Variants in CADM2 observed in about 807,000 individuals in gnomAD.
The protein encoded by CADM2 is immunoglobulin superfamily member 4D.
In CADM2, 12 loss-of-function variants were observed where a neutral mutation model predicts 49.8. The ratio of observed to expected loss-of-function variants is 0.24; its 90% CI spans 0.15 to 0.39. The LOEUF is 0.39. CADM2 is among the 10% of genes least tolerant of loss of function. The pLI is 1.00. For synonymous variants in CADM2, 214 were observed against 175.4 expected (o/e 1.22, Z -1.74); for missense variants, 378 against 492.3 (o/e 0.77, Z 2.20).
intron 1 of CADM2, among the ~76,000 whole-genome samples, chr3:85,334,210 G>T (rs1039559879): frequency 2.6e-5 from 4 of 151,486 alleles, no homozygotes; most frequent in African/African-American, 9.7e-5. Context: ...GCAAATGCTG[G>T]ATGATTTTCT....
intron 3 of CADM2, among the ~76,000 whole-genome samples, chr3:85,852,688 A>G (rs1344233604): frequency 6.6e-6 from 1 of 152,136 alleles, no homozygotes; most frequent in Non-Finnish European, 1.5e-5. Context: ...GAAAAGAGAC[A>G]TGCAAAACAT....
chr3:85,696,040 A>G (rs970822084), intron 1 of CADM2, among the ~76,000 whole-genome samples: 2 of 151,970 alleles, frequency 1.3e-5, no homozygotes, highest in Non-Finnish European at 2.9e-5. Flanking sequence ...AGCATTTTTC[A>G]TATGTTTATT....
chr3:85,049,302 T>G (rs1441803691), intron 1 of CADM2, among the ~76,000 whole-genome samples: 1 of 151,768 alleles, frequency 6.6e-6, no homozygotes, highest in African/African-American at 2.4e-5. Flanking sequence ...TGGAGATAAT[T>G]AAACCTACAT....
intron 1 of CADM2, among the ~76,000 whole-genome samples, chr3:85,079,904 C>T (rs1438454363): frequency 2.0e-5 from 3 of 151,676 alleles, no homozygotes; most frequent in Non-Finnish European, 4.4e-5. Flanking sequence ...GGACTGTGAA[C>T]TTGAGAAGGA....
chr3:85,260,489 T>A (rs2042992105), intron 1 of CADM2, among the ~76,000 whole-genome samples: 1 of 152,138 alleles, frequency 6.6e-6, no homozygotes, highest in African/African-American at 2.4e-5. Flanking sequence ...ATGTCTGGCA[T>A]GATGATGGCT....
At chr3:86,025,158 T>C (rs1019037515) in intron 8 of CADM2, among the ~76,000 whole-genome samples, 27 of 151,876 alleles carry the variant, frequency 1.8e-4, no homozygotes, top group Middle Eastern at 6.8e-3. Flanking sequence ...TGAGTTCAAG[T>C]GATTCTCCTG....
At chr3:85,227,863 T>G (rs2042196405) in intron 1 of CADM2, among the ~76,000 whole-genome samples, 1 of 152,204 alleles carries the variant, frequency 6.6e-6, no homozygotes, top group African/African-American at 2.4e-5. Flanking sequence ...TTTGCTTGTC[T>G]GTAAAGGATT....
chr3:85,996,289 A>AGT (rs1729403757), intron 8 of CADM2, among the ~76,000 whole-genome samples: 1 of 114,560 alleles, frequency 8.7e-6, no homozygotes, highest in Admixed American at 9.8e-5. Context: ...TTTTTCATTT[A>AGT]CTTTTTTTTT....
chr3:85,459,663 T>C (rs1266152832), intron 1 of CADM2, among the ~76,000 whole-genome samples: 1 of 152,270 alleles, frequency 6.6e-6, no homozygotes, highest in East Asian at 1.9e-4. Flanking sequence ...CTTCTCTTAC[T>C]ATGTTATAAT....
chr3:85,782,051 C>A (rs2070682825), intron 2 of CADM2, among the ~76,000 whole-genome samples: 1 of 152,134 alleles, frequency 6.6e-6, no homozygotes. Context: ...GAAAACATGG[C>A]TTTTGCCCAG....
chr3:85,882,146 A>G (rs1333616678), intron 3 of CADM2, among the ~76,000 whole-genome samples: 2 of 151,510 alleles, frequency 1.3e-5, no homozygotes, highest in Non-Finnish European at 2.9e-5. Context: ...TGGTAGAGAC[A>G]TCCCCCCGCC....
intron 1 of CADM2, among the ~76,000 whole-genome samples, chr3:85,528,358 T>C (rs1438704046): frequency 1.3e-5 from 2 of 152,130 alleles, no homozygotes; most frequent in African/African-American, 4.8e-5. Context: ...ACACATAAAA[T>C]CTTACTGTTT....
chr3:84,982,276 G>A (rs1267162915), intron 1 of CADM2, among the ~76,000 whole-genome samples: 1 of 152,050 alleles, frequency 6.6e-6, no homozygotes, highest in African/African-American at 2.4e-5. Flanking sequence ...ATTCATTTGT[G>A]TTTCTAGATG....
At chr3:85,287,737 T>G (rs1027386264) in intron 1 of CADM2, among the ~76,000 whole-genome samples, 5 of 152,132 alleles carry the variant, frequency 3.3e-5, no homozygotes, top group African/African-American at 1.2e-4. Context: ...AACTATTTAA[T>G]TTTTTTAACC....
intron 1 of CADM2, among the ~76,000 whole-genome samples, chr3:85,319,492 G>A (rs989830626): frequency 6.6e-6 from 1 of 152,116 alleles, no homozygotes; most frequent in Non-Finnish European, 1.5e-5. Flanking sequence ...ACACATGCAC[G>A]TGTATATTCA....
intron 1 of CADM2, among the ~76,000 whole-genome samples, chr3:85,191,408 G>T (rs1048350785): frequency 2.0e-5 from 3 of 151,998 alleles, no homozygotes; most frequent in South Asian, 2.1e-4. Context: ...ATATGTCAGA[G>T]AAATTTTTAA....
At chr3:85,309,008 C>G (rs2044280493) in intron 1 of CADM2, among the ~76,000 whole-genome samples, 1 of 151,982 alleles carries the variant, frequency 6.6e-6, no homozygotes, top group Non-Finnish European at 1.5e-5. Context: ...CTTCAGTTCT[C>G]CATATAAACT....
intron 1 of CADM2, among the ~76,000 whole-genome samples, chr3:85,705,410 A>C (rs956294633): frequency 1.2e-4 from 19 of 152,274 alleles, no homozygotes; most frequent in African/African-American, 3.4e-4. Flanking sequence ...ACCTTGTTCA[A>C]GTTCACATTA....
chr3:85,704,898 G>A (rs993225748), intron 1 of CADM2, among the ~76,000 whole-genome samples: 3 of 147,554 alleles, frequency 2.0e-5, no homozygotes, highest in South Asian at 2.1e-4. Flanking sequence ...TCGCTCTGTC[G>A]TCCAGGCTGG....
Sources: gnomAD v4.1 joint callset for allele counts (sites outside exome capture counted in the v4.1 genomes callset) on GRCh38, gnomAD v4.1.1 for gene constraint, MANE v1.5 for transcripts, NCBI Gene and HGNC (gene_info 2026-07-23, HGNC 2026-07-21) for gene names.